ZNF362: variants seen among roughly 807,000 people sequenced by gnomAD.
ZNF362 encodes rotund homolog.
In ZNF362, 11 loss-of-function variants were observed where a neutral mutation model predicts 42.9. The observed-to-expected ratio is 0.26, with a 90% confidence interval of 0.16 to 0.42. The LOEUF (loss-of-function observed/expected upper bound fraction) is 0.42. Ranked by LOEUF, ZNF362 falls within the 20% of genes least tolerant of loss-of-function variation. ZNF362 has a pLI of 1.00. For missense variants in ZNF362, 362 were observed against 576.2 expected, an observed-to-expected ratio of 0.63 and a Z score of 3.81; for synonymous variants, 255 against 257.3, an observed-to-expected ratio of 0.99 and a Z score of 0.09.
At chr1:33,290,460 C>T (rs1424592506) in intron 6 of ZNF362, among the ~76,000 whole-genome samples, 2 of 151,804 alleles carry the variant, frequency 1.3e-5, no homozygotes, top group Admixed American at 6.6e-5. Context: ...ATCCAGTCTA[C>T]CATTGTTGGA....
chr1:33,185,141 T>C, the ZNF362 span, among the ~76,000 whole-genome samples: 1 of 152,140 alleles, frequency 6.6e-6, no homozygotes, highest in African/African-American at 2.4e-5. Flanking sequence ...TCTAAATCCT[T>C]TCAGTAGATA....
chr1:33,292,575 T>C (rs1208824025), intron 6 of ZNF362, among the ~76,000 whole-genome samples: 2 of 152,266 alleles, frequency 1.3e-5, no homozygotes, highest in Non-Finnish European at 2.9e-5. Context: ...AGGATGATGC[T>C]GGCCTCATAA....
the ZNF362 span, among the ~76,000 whole-genome samples, chr1:33,248,780 G>A: frequency 1.3e-5 from 2 of 152,196 alleles, no homozygotes; most frequent in Non-Finnish European, 2.9e-5. Flanking sequence ...GAGATGGGTT[G>A]TATCATAGCA....
At chr1:33,158,121 G>A in the ZNF362 span, 1 of 734,478 alleles carries the variant, frequency 1.4e-6, no homozygotes, top group African/African-American at 1.7e-5. Context: ...ACAGGTCCTG[G>A]AACACACTAG....
the ZNF362 span, among the ~76,000 whole-genome samples, chr1:33,236,656 T>C: frequency 6.7e-6 from 1 of 148,432 alleles, no homozygotes; most frequent in African/African-American, 2.5e-5. Flanking sequence ...TAGTCTAGTG[T>C]AGTCTATTTT....
the ZNF362 span, among the ~76,000 whole-genome samples, chr1:33,227,654 C>T: frequency 1.6e-4 from 24 of 152,144 alleles, no homozygotes; most frequent in Non-Finnish European, 3.1e-4. Context: ...ACTGCCAAAT[C>T]CATGAGCCTA....
the ZNF362 span, among the ~76,000 whole-genome samples, chr1:33,189,569 C>T: frequency 8.8e-5 from 13 of 147,408 alleles, no homozygotes; most frequent in African/African-American, 3.0e-4. Flanking sequence ...CTCTTAGCGC[C>T]GCAACCACAC....
chr1:33,207,701 G>C, the ZNF362 span, among the ~76,000 whole-genome samples: 1 of 152,214 alleles, frequency 6.6e-6, no homozygotes, highest in African/African-American at 2.4e-5. Context: ...CTGATAACCA[G>C]TGATGATGAG....
the ZNF362 span, among the ~76,000 whole-genome samples, chr1:33,218,928 G>GACAC: frequency 1.4e-5 from 1 of 69,526 alleles, no homozygotes; most frequent in African/African-American, 5.3e-5. Context: ...CCAGGAGCTG[G>GACAC]ACATACACAC....
intron 1 of ZNF362, among the ~76,000 whole-genome samples, chr1:33,257,055 A>T (rs2148055037): frequency 6.6e-6 from 1 of 152,292 alleles, no homozygotes; most frequent in Non-Finnish European, 1.5e-5. Context: ...CGCACTTTGC[A>T]GCCGGCCCGG....
intron 4 of ZNF362, among the ~76,000 whole-genome samples, chr1:33,279,530 A>G (rs763452920): frequency 6.6e-6 from 1 of 150,928 alleles, no homozygotes; most frequent in Non-Finnish European, 1.5e-5. Context: ...CATTTTCATG[A>G]TTTTGTTTGC....
At chr1:33,246,904 G>A in the ZNF362 span, among the ~76,000 whole-genome samples, 1 of 152,230 alleles carries the variant, frequency 6.6e-6, no homozygotes, top group Non-Finnish European at 1.5e-5. Flanking sequence ...ATGCCTGTAG[G>A]TGGCTGACAG....
chr1:33,146,793 T>C, the ZNF362 span: 1 of 277,226 alleles, frequency 3.6e-6, no homozygotes, highest in Non-Finnish European at 7.0e-6. Flanking sequence ...GCTGTGTGTC[T>C]TTCGGGCTGC....
chr1:33,181,616 G>T, the ZNF362 span: 1 of 1,157,476 alleles, frequency 8.6e-7, no homozygotes. This position sits in a 1 kb window ranked among gnomAD's most constrained non-coding sequence, Gnocchi z 6.5. Flanking sequence ...AGGGGTGCGC[G>T]GCTGAGACTC....
At chr1:33,215,083 G>T in the ZNF362 span, among the ~76,000 whole-genome samples, 10 of 152,012 alleles carry the variant, frequency 6.6e-5, no homozygotes, top group Non-Finnish European at 1.3e-4. Context: ...GCCAAGATTT[G>T]GAATCAATCT....
At chr1:33,191,761 T>C in the ZNF362 span, among the ~76,000 whole-genome samples, 1 of 152,332 alleles carries the variant, frequency 6.6e-6, no homozygotes, top group South Asian at 2.1e-4. Context: ...TGCCTCAACC[T>C]CCCAAAGTGC....
At position 33,276,111 on chromosome 1, in the gene ZNF362, C is replaced by T; in HGVS notation, c.50C>T (p.Pro17Leu). ...CTCTCTTCCCGCAGGATGGCCGAGC[C>T]TCGATTTAACAACCCCTACTTCTGG... ...SGKGHSRMAEPRFNNPYFWPP... is the reference protein window; with the variant it reads ...SGKGHSRMAELRFNNPYFWPP... Residue 17 changes from proline (P) to leucine (L), a missense_variant, in exon 3 of 9, where the codon CCT becomes CTT. By Grantham distance (98) the Pro-to-Leu change is moderately conservative. Transcript: ENST00000539719. 2 of 1,614,072 alleles carry T rather than the reference C, an allele frequency of 1.2e-6. No individual in the cohort carries two copies. Among genetic ancestry groups the T allele is most frequent in the Non-Finnish European group, 1.7e-6 (2 of 1,180,006 alleles).
the ZNF362 span, among the ~76,000 whole-genome samples, chr1:33,185,586 C>G: frequency 1.3e-5 from 2 of 152,134 alleles, no homozygotes; most frequent in South Asian, 4.1e-4. Flanking sequence ...CAGTTCTTCT[C>G]TTGACCTTAT....
intron 4 of ZNF362, among the ~76,000 whole-genome samples, chr1:33,278,837 T>C (rs1173200607): frequency 6.6e-6 from 1 of 152,176 alleles, no homozygotes; most frequent in Admixed American, 6.5e-5. Flanking sequence ...TTCTCCCTAA[T>C]GAGAGTGGAC....
Sources: allele counts gnomAD v4.1 joint callset (sites outside exome capture counted in the v4.1 genomes callset), GRCh38; gene constraint gnomAD v4.1.1; non-coding constraint Gnocchi (gnomAD v3.1); transcripts MANE v1.5; gene names NCBI Gene and HGNC (gene_info 2026-07-23, HGNC 2026-07-21).